MANBA: variants seen among roughly 807,000 people sequenced by gnomAD.
The protein encoded by MANBA is beta-mannosidase.
In MANBA, 83 loss-of-function variants were observed where a neutral mutation model predicts 111.1. That is an observed-to-expected ratio of 0.75 (90% CI 0.63 to 0.90). MANBA has a LOEUF of 0.90. Among genes scored for constraint, MANBA ranks in the 40% least tolerant of loss-of-function variants. The pLI, the probability that MANBA is intolerant of heterozygous loss-of-function variation, is 0.00. For synonymous variants in MANBA, 370 were observed against 378.7 expected (o/e 0.98, Z 0.27); for missense variants, 1,036 against 1,069.0 (o/e 0.97, Z 0.43).
intron 13 of MANBA, among the ~76,000 whole-genome samples, chr4:102,641,953 T>G (rs910597785): frequency 2.6e-5 from 4 of 151,770 alleles, no homozygotes; most frequent in African/African-American, 7.3e-5. Flanking sequence ...AAGACTCTTT[T>G]GTGCTCCAGG....
At chr4:102,752,320 T>C (rs981839286) in intron 1 of MANBA, 41 of 1,367,282 alleles carry the variant, frequency 3.0e-5, no homozygotes, top group Non-Finnish European at 3.9e-5. Flanking sequence ...ACGTTTAGCA[T>C]CTGGAAGCAC....
At chr4:102,714,653 T>C in intron 4 of MANBA, 92 bp from the exon 5 acceptor site, 1 of 1,273,162 alleles carries the variant, frequency 7.9e-7, no homozygotes, top group Non-Finnish European at 1.1e-6. Flanking sequence ...GTTACATATG[T>C]GTATATAAGT....
intron 1 of MANBA, among the ~76,000 whole-genome samples, chr4:102,737,510 T>C (rs1723259299): frequency 6.6e-6 from 1 of 150,788 alleles, no homozygotes; most frequent in African/African-American, 2.4e-5. Context: ...TGAAATGGAG[T>C]CTCGCTCTGT....
chr4:102,664,750 G>C lies in MANBA; in HGVS notation c.1420C>G (p.Arg474Gly), dbSNP rs141230920. The part of the protein sequence containing the change: ...MNWYHISFTD[R>G]PIYIKDYVTL... ...ACATAGTCCTTGATGTAGATTGGCC[G>C]GTCAGTGAAACTGATATGATACCAA... The change falls in exon 11 of 17, where the codon CGG becomes GGG. Residue 474 changes from arginine (R) to glycine (G), a missense_variant. Arg to Gly is a moderately radical substitution (Grantham distance 125). Transcript: ENST00000647097. 6.2e-6 allele frequency: 10 copies of C among 1,612,550 alleles called. No individual in the cohort carries two copies. The highest frequency in any genetic ancestry group is 1.1e-5 in the South Asian group (1 of 91,040).
At chr4:102,680,838 A>G (rs1374125278) in intron 7 of MANBA, among the ~76,000 whole-genome samples, 5 of 152,350 alleles carry the variant, frequency 3.3e-5, no homozygotes, top group Admixed American at 2.6e-4. Context: ...AAATATGAGA[A>G]TGACTCCTTT....
chr4:102,675,234 T>TA (rs1323575295), intron 7 of MANBA, among the ~76,000 whole-genome samples: 1 of 152,228 alleles, frequency 6.6e-6, no homozygotes, highest in Non-Finnish European at 1.5e-5. Flanking sequence ...TGACTTTACT[T>TA]AGAGTAAAAC....
chr4:102,655,853 C>A (rs1256095380), intron 12 of MANBA, among the ~76,000 whole-genome samples: 3 of 152,048 alleles, frequency 2.0e-5, no homozygotes, highest in Non-Finnish European at 4.4e-5. Flanking sequence ...AGGTGACAAC[C>A]CACAGACTGG....
chr4:102,632,597 A>G (rs971547350), intron 16 of MANBA, among the ~76,000 whole-genome samples: 1 of 152,212 alleles, frequency 6.6e-6, no homozygotes, highest in Non-Finnish European at 1.5e-5. Context: ...AGAGAGCAAC[A>G]TTTTTACATA....
rs200974683 is a variant in MANBA, at chr4:102,747,211, AC to A, written c.177+13506del. On this transcript the variant is annotated intron_variant, in intron 1 of 16. Coordinates refer to ENST00000647097, the MANE Select transcript of MANBA (RefSeq NM_005908.4). The stretch of plus-strand genomic sequence containing the variant: ...CTAAGGAGTATTAACTCACATGATC[AC>A]AAGGTCCCATAACACGCCATCTGCA... 6.4e-3 allele frequency among the ~76,000 whole-genome samples: 976 copies of A among 151,890 alleles called. 8 individuals carry two copies. The highest frequency in any genetic ancestry group is 9.0e-3 in the Non-Finnish European group (611 of 68,006).
chr4:102,716,496 G>T (rs1722339145), intron 4 of MANBA, among the ~76,000 whole-genome samples: 3 of 152,118 alleles, frequency 2.0e-5, no homozygotes, highest in African/African-American at 4.8e-5. Context: ...GGTGGCCAAG[G>T]CAGACATTTT....
chr4:102,679,531 A>G (rs1021231031), intron 7 of MANBA: 10 of 152,202 alleles, frequency 6.6e-5, no homozygotes, highest in African/African-American at 2.4e-4. Flanking sequence ...TATATTTAAT[A>G]AAATTATAAA....
intron 5 of MANBA, among the ~76,000 whole-genome samples, chr4:102,700,194 C>T (rs1199037422): frequency 1.1e-4 from 17 of 150,856 alleles, no homozygotes; most frequent in Admixed American, 5.3e-4. Context: ...TCTGTGGGAT[C>T]GGTGGTGATA....
At chr4:102,724,027 CT>C (rs1722689894) in intron 2 of MANBA, 60 bp from the exon 3 acceptor site, 2 of 902,920 alleles carry the variant, frequency 2.2e-6, no homozygotes, top group South Asian at 1.5e-5. Context: ...AGATAAGTCT[CT>C]TTTTTATTAT....
chr4:102,632,266 G>T lies in MANBA; in HGVS notation c.2431C>A (p.Gln811Lys). Residue 811 changes from glutamine (Q) to lysine (K), a missense_variant, in exon 17 of 17, where the codon CAA becomes AAA. By Grantham distance (53) the Gln-to-Lys change is moderately conservative. Transcript: ENST00000647097. The stretch of plus-strand genomic sequence containing the variant: ...AGGTCAAAAACAAATATGTCACCTT[G>T]CTGAGAGATGATGGCCTGAAAAAGA... The part of the protein sequence containing the change: ...KAQITAIISQ[Q>K]GDIFVFDLET... 2 of 1,609,294 alleles carry T rather than the reference G, an allele frequency of 1.2e-6. No individual in the cohort carries two copies. The highest frequency in any genetic ancestry group is 1.7e-6 in the Non-Finnish European group (2 of 1,177,798).
At chr4:102,685,758 T>C (rs1479048831) in intron 7 of MANBA, among the ~76,000 whole-genome samples, 1 of 152,086 alleles carries the variant, frequency 6.6e-6, no homozygotes, top group Non-Finnish European at 1.5e-5. Context: ...CTCCTATATA[T>C]AATACAAAGA....
Position 102,635,001 on chromosome 4 carries a change from A to T in MANBA, c.2202T>A (p.Arg734=). The stretch of plus-strand genomic sequence containing the variant: ...CTTTCATCACAAAACGTTCAGTCAC[A>T]CGAGAGCACACGGGCTCCAGGGAGC... ...TWSSLEPVCS[R]VTERFVMKGG... is the part of the protein sequence containing the mutation. The change falls in exon 16 of 17, where the codon CGT becomes CGA. Residue 734 remains arginine, a synonymous_variant. Coordinates refer to ENST00000647097, the MANE Select transcript of MANBA (RefSeq NM_005908.4). The T allele has an allele frequency of 6.2e-7, 1 of 1,614,222 alleles. No individual in the cohort carries two copies. Among genetic ancestry groups the T allele is most frequent in the Non-Finnish European group, 8.5e-7 (1 of 1,180,012 alleles).
chr4:102,745,237 GGGTC>G (rs1286960243), intron 1 of MANBA, among the ~76,000 whole-genome samples: 2 of 152,172 alleles, frequency 1.3e-5, no homozygotes, highest in African/African-American at 4.8e-5. Context: ...AATAGACTGG[GGGTC>G]TCCTTGGGGA....
At chr4:102,758,460 G>C (rs1487618848) in intron 1 of MANBA, among the ~76,000 whole-genome samples, 2 of 152,078 alleles carry the variant, frequency 1.3e-5, no homozygotes, top group African/African-American at 4.8e-5. Flanking sequence ...CACCAAAAAG[G>C]GATGTTATAA....
At position 102,639,780 on chromosome 4, in the gene MANBA, C is replaced by T. The variant is rs767576474; in HGVS notation, c.1947G>A (p.Gly649=). The T allele has an allele frequency of 5.6e-6, 9 of 1,613,954 alleles. No homozygotes were observed. The highest frequency in any genetic ancestry group is 7.6e-6 in the Non-Finnish European group (9 of 1,180,010). ...RSRSEIVDQQ[G]HTMGALYWQL... ...GCCAATAAAGTGCCCCCATCGTGTG[C>T]CCTTGCTGATCCACTATCTCGCTGC... The change falls in exon 14 of 17, where the codon GGG becomes GGA. Residue 649 remains glycine (G), a synonymous_variant. Coordinates refer to ENST00000647097, the MANE Select transcript of MANBA (RefSeq NM_005908.4).
Sources: gnomAD v4.1 joint callset for allele counts (sites outside exome capture counted in the v4.1 genomes callset) on GRCh38, gnomAD v4.1.1 for gene constraint, MANE v1.5 for transcripts, NCBI Gene and HGNC (gene_info 2026-07-23, HGNC 2026-07-21) for gene names.